PDS5B: variants seen among roughly 807,000 people sequenced by gnomAD.
The protein encoded by PDS5B is sister chromatid cohesion protein PDS5 homolog B.
PDS5B carries 51 observed loss-of-function variants against 184.1 expected under a neutral mutation model. The observed-to-expected ratio is 0.28, with a 90% CI of 0.22 to 0.35. The LOEUF is 0.35. PDS5B is among the 10% of genes least tolerant of loss of function. The pLI, the probability that PDS5B is intolerant of heterozygous loss-of-function variation, is 1.00. For missense variants in PDS5B, 1,180 were observed against 1,723.3 expected (o/e 0.68, Z 5.58); for synonymous variants, 566 against 569.2 (o/e 0.99, Z 0.08).
chr13:32,605,241 A>G (rs2058041441), intron 1 of PDS5B, among the ~76,000 whole-genome samples: 2 of 152,158 alleles, frequency 1.3e-5, no homozygotes, highest in Admixed American at 6.5e-5. Context: ...CCTGCTTTAA[A>G]TGTGTCCCAG....
At chr13:32,616,182 T>C (rs1037317761) in intron 1 of PDS5B, among the ~76,000 whole-genome samples, 1 of 152,016 alleles carries the variant, frequency 6.6e-6, no homozygotes, top group Non-Finnish European at 1.5e-5. Flanking sequence ...GCCTCCCTAG[T>C]AGCTGGGATT....
At chr13:32,702,292 C>G (rs754225079) in intron 17 of PDS5B, among the ~76,000 whole-genome samples, 1 of 152,076 alleles carries the variant, frequency 6.6e-6, no homozygotes, top group South Asian at 2.1e-4. Context: ...ACTTTGGACT[C>G]CTCTTGTATC....
chr13:32,598,824 G>T (rs1487641339), intron 1 of PDS5B, among the ~76,000 whole-genome samples: 1 of 146,624 alleles, frequency 6.8e-6, no homozygotes. Flanking sequence ...AGGCAGGAGT[G>T]CAGTGGCACT....
chr13:32,686,287 A>T (rs143058701), intron 11 of PDS5B, among the ~76,000 whole-genome samples: 1 of 152,184 alleles, frequency 6.6e-6, no homozygotes, highest in African/African-American at 2.4e-5. Flanking sequence ...TTATACTTCA[A>T]CTCAGTCCCA....
chr13:32,693,323 G>A (rs1479272808), intron 13 of PDS5B, among the ~76,000 whole-genome samples: 1 of 151,858 alleles, frequency 6.6e-6, no homozygotes, highest in Non-Finnish European at 1.5e-5. Context: ...CCATTTTGAC[G>A]TGACTACTAT....
At position 32,763,209 on chromosome 13, in the gene PDS5B, A is replaced by G. The variant is rs945636850; in HGVS notation, c.3519-1280A>G. On this transcript the variant is annotated intron_variant, in intron 30 of 34. Transcript: ENST00000315596. ...TGATTATGTTTGGACTTCGTAAACC[A>G]TGGTAAGGAGTTTGGATTTGATTTT... Among the ~76,000 whole-genome samples the G allele has an allele frequency of 2.6e-4, 39 of 152,238 alleles. 1 individual carries two copies. Among genetic ancestry groups the G allele is most frequent in the South Asian group, 4.1e-4 (2 of 4,828 alleles).
intron 22 of PDS5B, among the ~76,000 whole-genome samples, chr13:32,741,522 T>C (rs1345986071): frequency 3.3e-5 from 5 of 152,184 alleles, no homozygotes; most frequent in African/African-American, 1.2e-4. Flanking sequence ...CTATAATTTA[T>C]TGAATTAGGA....
chr13:32,623,782 G>A (rs996880809), intron 1 of PDS5B, among the ~76,000 whole-genome samples: 7 of 151,042 alleles, frequency 4.6e-5, no homozygotes, highest in African/African-American at 1.7e-4. Context: ...CTTTCTGTTA[G>A]GGAAATTACA....
intron 7 of PDS5B, among the ~76,000 whole-genome samples, chr13:32,669,248 CATTT>C (rs1282201367): frequency 6.6e-6 from 1 of 150,604 alleles, no homozygotes; most frequent in Non-Finnish European, 1.5e-5. Flanking sequence ...TCCTGGTGGC[CATTT>C]ATTTAAACTC....
intron 6 of PDS5B, among the ~76,000 whole-genome samples, chr13:32,664,776 G>T (rs1179960550): frequency 6.6e-6 from 1 of 152,044 alleles, no homozygotes; most frequent in Non-Finnish European, 1.5e-5. Context: ...ATCGCTTGCA[G>T]GGAGGTCAAG....
chr13:32,674,559 T>C (rs1315291547), intron 8 of PDS5B, among the ~76,000 whole-genome samples: 1 of 151,680 alleles, frequency 6.6e-6, no homozygotes, highest in East Asian at 1.9e-4. Context: ...TGCATGTTCC[T>C]ACACACTATG....
intron 33 of PDS5B, among the ~76,000 whole-genome samples, chr13:32,771,823 A>G (rs1954796790): frequency 2.0e-5 from 3 of 152,168 alleles, no homozygotes; most frequent in African/African-American, 7.2e-5. Context: ...AGGAAATAAC[A>G]AACCTCATAA....
intron 1 of PDS5B, among the ~76,000 whole-genome samples, chr13:32,595,938 G>A (rs1009046088): frequency 9.2e-5 from 14 of 152,132 alleles, no homozygotes; most frequent in African/African-American, 2.9e-4. Context: ...TCAGCGCATT[G>A]TAGATGATGA....
intron 20 of PDS5B, among the ~76,000 whole-genome samples, chr13:32,734,011 C>CACACACAA (rs1341139943): frequency 6.6e-6 from 1 of 151,374 alleles, no homozygotes; most frequent in African/African-American, 2.4e-5. Context: ...CACACACACA[C>CACACACAA]ACAAACATAT....
intron 14 of PDS5B, among the ~76,000 whole-genome samples, chr13:32,696,569 C>A (rs1444819161): frequency 1.3e-5 from 2 of 151,646 alleles, no homozygotes; most frequent in East Asian, 3.9e-4. Context: ...AACAAAACCC[C>A]AAAATACGTA....
At chr13:32,701,175 G>T in intron 16 of PDS5B, 148 bp from the exon 17 acceptor site, 2 of 545,858 alleles carry the variant, frequency 3.7e-6, no homozygotes, top group South Asian at 2.4e-5. Flanking sequence ...CCTTAATTCA[G>T]TCTTTTTTTC....
At chr13:32,757,164 G>T (rs1954211967) in intron 26 of PDS5B, among the ~76,000 whole-genome samples, 1 of 151,756 alleles carries the variant, frequency 6.6e-6, no homozygotes, top group South Asian at 2.1e-4. Flanking sequence ...ATCAAAATTA[G>T]TTTTGTGTTA....
At chr13:32,654,860 A>G (rs559627652) in intron 3 of PDS5B, among the ~76,000 whole-genome samples, 51 of 152,198 alleles carry the variant, frequency 3.4e-4, no homozygotes, top group African/African-American at 9.4e-4. Flanking sequence ...ACAGGACATA[A>G]TCTCATTTTT....
At chr13:32,658,786 A>G (rs541136776) in intron 5 of PDS5B, among the ~76,000 whole-genome samples, 17 of 152,276 alleles carry the variant, frequency 1.1e-4, no homozygotes, top group African/African-American at 3.8e-4. Flanking sequence ...AAACATACAT[A>G]CTGACTTCTT....
Sources: gnomAD v4.1 joint callset for allele counts (sites outside exome capture counted in the v4.1 genomes callset) on GRCh38, gnomAD v4.1.1 for gene constraint, MANE v1.5 for transcripts, NCBI Gene and HGNC (gene_info 2026-07-23, HGNC 2026-07-21) for gene names.